ABCA6: variants seen among roughly 807,000 people sequenced by gnomAD.
The protein encoded by ABCA6 is ATP-binding cassette sub-family A member 6.
ABCA6 carries 164 observed loss-of-function variants against 191.2 expected under a neutral mutation model. The ratio of observed to expected loss-of-function variants is 0.86; its 90% CI spans 0.76 to 0.98. The LOEUF is 0.98. Among genes scored for constraint, ABCA6 ranks in the 50% least tolerant of loss-of-function variants. The pLI is 0.00. For synonymous variants in ABCA6, 636 were observed against 647.7 expected (o/e 0.98, Z 0.27); for missense variants, 1,958 against 1,894.1 (o/e 1.03, Z -0.63).
At chr17:69,105,931 G>T (rs2073291821) in intron 19 of ABCA6, 97 bp downstream of exon 19, 1 of 1,311,298 alleles carries the variant, frequency 7.6e-7, no homozygotes. Context: ...CCCGTGGCAG[G>T]AATGTCAGAT....
At chr17:69,105,800 C>T in intron 19 of ABCA6, 172 bp from the exon 20 acceptor site, 1 of 705,236 alleles carries the variant, frequency 1.4e-6, no homozygotes, top group Non-Finnish European at 2.3e-6. Context: ...GAAGGCATTA[C>T]TATATAAACA....
At chr17:69,084,656 T>C (rs2072730888) in intron 32 of ABCA6, 149 bp from the exon 33 acceptor site, 1 of 775,864 alleles carries the variant, frequency 1.3e-6, no homozygotes, top group Non-Finnish European at 2.0e-6. Flanking sequence ...TGGTTTATTT[T>C]GGAACATGAA....
chr17:69,119,669 C>T (rs1413291893), intron 10 of ABCA6, among the ~76,000 whole-genome samples: 2 of 152,044 alleles, frequency 1.3e-5, no homozygotes, highest in Non-Finnish European at 1.5e-5. Flanking sequence ...CACCAAACCA[C>T]CATTTATATC....
In ABCA6 at chr17:69,088,103, G is replaced by A. The variant is rs1040796534; in HGVS notation, c.3698+64C>T. ...GTAAATCTGTATTAACAAGATGATAGCACAGACACCATCTAGGAATGTTAA... is the reference window on the plus strand; with the variant it reads ...GTAAATCTGTATTAACAAGATGATAACACAGACACCATCTAGGAATGTTAA... On this transcript the variant is annotated intron_variant, in intron 28 of 38. Coordinates refer to ENST00000284425, the MANE Select transcript of ABCA6 (RefSeq NM_080284.3). 75 of 1,343,896 alleles carry A rather than the reference G, an allele frequency of 5.6e-5. 1 individual carries two copies. In the East Asian group the frequency reaches 1.8e-3, roughly 32 times the overall value. The allele number at this position is 1,343,896 out of a possible 1,614,324, so 83.2% of individuals were successfully genotyped here.
chr17:69,087,717 G>C, intron 28 of ABCA6: 1 of 509,942 alleles, frequency 2.0e-6, no homozygotes, highest in Non-Finnish European at 3.5e-6. Flanking sequence ...CTGTCAGCAG[G>C]TACTGCTCCT....
chr17:69,106,097 A>G lies in ABCA6; in HGVS notation c.2504T>C (p.Met835Thr), dbSNP rs775864821. ...TAVSDMGLWRMQVFAMARLRF... is the reference protein window; with the variant it reads ...TAVSDMGLWRTQVFAMARLRF... Reference sequence around the variant, plus strand: ...GAGCCGTGCCATGGCAAAGACTTGCATTCTCCAGAGGCCCATGTCACTCAC... The same window carrying G: ...GAGCCGTGCCATGGCAAAGACTTGCGTTCTCCAGAGGCCCATGTCACTCAC... Residue 835 changes from methionine to threonine, a missense_variant, in exon 19 of 39, where the codon ATG becomes ACG. Physicochemically the swap from Met to Thr is moderately conservative, Grantham distance 81. Coordinates refer to ENST00000284425, the MANE Select transcript of ABCA6 (RefSeq NM_080284.3). 3 of 1,613,878 alleles carry G rather than the reference A, an allele frequency of 1.9e-6. No homozygotes were observed. The highest frequency in any genetic ancestry group is 2.2e-5 in the East Asian group (1 of 44,866).
chr17:69,083,784 G>A (rs2072700294), intron 34 of ABCA6, among the ~76,000 whole-genome samples: 1 of 152,132 alleles, frequency 6.6e-6, no homozygotes. Context: ...TATGAAACTA[G>A]ATTGAAGATT....
In ABCA6 at chr17:69,123,290, T is replaced by C. The variant is rs749084709; in HGVS notation, c.1385A>G (p.Asp462Gly). ...EKEIDAEHPS[D>G]DYFEPVAPEF... is the part of the protein sequence containing the mutation. The stretch of plus-strand genomic sequence containing the variant: ...AGGAGCTACTGGTTCAAAATAATCA[T>C]CAGAGGGATGCTCAGCATCGATTTC... The change falls in exon 10 of 39, where the codon GAT becomes GGT. Residue 462 changes from aspartate to glycine, a missense_variant. By Grantham distance (94) the Asp-to-Gly change is moderately conservative. Coordinates refer to ENST00000284425, the MANE Select transcript of ABCA6 (RefSeq NM_080284.3). The C allele has an allele frequency of 3.0e-5, 46 of 1,555,754 alleles. No homozygotes were observed. In the Admixed American group the frequency reaches 7.6e-4, roughly 26 times the overall value.
In ABCA6 at chr17:69,102,834, C is replaced by G; in HGVS notation, c.2874+1G>C. 6.4e-7 allele frequency: 1 copy of G among 1,574,410 alleles called. No homozygotes were observed. Among genetic ancestry groups the G allele is most frequent in the Non-Finnish European group, 8.6e-7 (1 of 1,167,918 alleles). ...TCATAAAAGCAAAAAGGCAAACATA[C>G]CTTTTGTTTACCAGAAACTATGATA... On this transcript the variant is annotated splice_donor_variant, in intron 21 of 38. Coordinates refer to ENST00000284425, the MANE Select transcript of ABCA6 (RefSeq NM_080284.3). LOFTEE classifies it high-confidence loss of function.
chr17:69,096,518 T>A, intron 24 of ABCA6, 110 bp downstream of exon 24: 1 of 974,178 alleles, frequency 1.0e-6, no homozygotes, highest in Non-Finnish European at 1.4e-6. Context: ...GTTTTTTGTT[T>A]TGGTTTATTA....
intron 25 of ABCA6, among the ~76,000 whole-genome samples, chr17:69,092,842 C>T (rs1024260790): frequency 2.6e-5 from 4 of 152,168 alleles, no homozygotes; most frequent in African/African-American, 2.4e-5. Flanking sequence ...GGACTAGCAT[C>T]GTTTAAGTTG....
In ABCA6 at chr17:69,083,203, G is replaced by A. The variant is rs373967546; in HGVS notation, c.4475+9C>T. 459 of 1,586,350 alleles carry A rather than the reference G, an allele frequency of 2.9e-4. No homozygotes were observed. Among genetic ancestry groups the A allele is most frequent in the Non-Finnish European group, 3.6e-4 (417 of 1,171,054 alleles). On this transcript the variant is annotated intron_variant, in intron 35 of 38. Transcript: ENST00000284425. Reference sequence around the variant, plus strand: ...GAGCATCAAATGCAGGCTTCGGAGAGACACCCACCTAAGCCTTCCAGACAC... The same window carrying A: ...GAGCATCAAATGCAGGCTTCGGAGAAACACCCACCTAAGCCTTCCAGACAC...
chr17:69,097,595 T>C (rs943007648), intron 23 of ABCA6, among the ~76,000 whole-genome samples: 1 of 152,152 alleles, frequency 6.6e-6, no homozygotes, highest in African/African-American at 2.4e-5. Context: ...GTCTTAAATT[T>C]GGCCTTTGAT....
chr17:69,126,478 A>T (rs767396029), intron 8 of ABCA6, among the ~76,000 whole-genome samples: 1 of 151,516 alleles, frequency 6.6e-6, no homozygotes, highest in Non-Finnish European at 1.5e-5. Flanking sequence ...GGTGAGACCA[A>T]CTCTCTACAA....
In ABCA6 at chr17:69,112,231, C is replaced by A. The variant is rs764648715; in HGVS notation, c.2084G>T (p.Gly695Val). ...IMSNGRLKCA[G>V]SSMFLKRRWG... The stretch of plus-strand genomic sequence containing the variant: ...CCTTCTTTTCAAAAACATAGAAGAA[C>A]CTGCACACTTCAGTCTCCCATTGGA... Residue 695 changes from glycine to valine, a missense_variant, in exon 16 of 39, where the codon GGT becomes GTT. Transcript: ENST00000284425. 5 of 1,612,610 alleles carry A rather than the reference C, an allele frequency of 3.1e-6. No homozygotes were observed. The Admixed American group carries it at 5.0e-5, about 16-fold the overall frequency.
chr17:69,088,175 A>C lies in ABCA6; in HGVS notation c.3690T>G (p.Pro1230=), dbSNP rs150686835. The part of the protein sequence containing the change: ...KCGKKRMRKD[P]VFRISPQSRD... ...TTAAATTTCACCCCAACCTGAAAAC[A>C]GGATCTTTTCGCATTCTTTTCTTTC... The change falls in exon 28 of 39, where the codon CCT becomes CCG. Residue 1230 remains proline, a synonymous_variant. Transcript: ENST00000284425. 1 of 1,610,748 alleles carries C rather than the reference A, an allele frequency of 6.2e-7. No individual in the cohort carries two copies. Among genetic ancestry groups the C allele is most frequent in the South Asian group, 1.1e-5 (1 of 90,236 alleles).
intron 9 of ABCA6, among the ~76,000 whole-genome samples, chr17:69,124,684 T>C (rs1011509679): frequency 2.0e-5 from 3 of 151,968 alleles, no homozygotes; most frequent in Admixed American, 6.6e-5. Context: ...AATTATAATA[T>C]ATTGCTATAG....
chr17:69,123,388 A>G lies in ABCA6; in HGVS notation c.1287T>C (p.Tyr429=). The change falls in exon 10 of 39, where the codon TAT becomes TAC. Residue 429 remains tyrosine, a synonymous_variant. Coordinates refer to ENST00000284425, the MANE Select transcript of ABCA6 (RefSeq NM_080284.3). ...ATGAATTCAAGAAAAATAAAGGAGA[A>G]TAATGGCGCTCATCTCCATCTAATT... The part of the protein sequence containing the change: ...KILPYGDERH[Y]SPLFFLNSSS... The G allele has an allele frequency of 6.6e-7, 1 of 1,505,096 alleles. No individual in the cohort carries two copies. Among genetic ancestry groups the G allele is most frequent in the Non-Finnish European group, 9.0e-7 (1 of 1,114,874 alleles). The allele number at this position is 1,505,096 out of a possible 1,614,324, so 93.2% of individuals were successfully genotyped here.
chr17:69,101,589 C>T (rs1228699672), intron 21 of ABCA6, among the ~76,000 whole-genome samples: 3 of 145,458 alleles, frequency 2.1e-5, no homozygotes, highest in Non-Finnish European at 4.5e-5. Context: ...GAGCGAGACT[C>T]TGTCTCAAAA....
Sources: allele counts gnomAD v4.1 joint callset (sites outside exome capture counted in the v4.1 genomes callset), GRCh38; gene constraint gnomAD v4.1.1; transcripts MANE v1.5; gene names NCBI Gene and HGNC (gene_info 2026-07-23, HGNC 2026-07-21).